The following CEP112 variants were observed in gnomAD, a reference collection of about 807,000 sequenced individuals.
CEP112 encodes centrosomal protein 112.
CEP112 carries 127 observed loss-of-function variants against 153.0 expected under a neutral mutation model. The ratio of observed to expected loss-of-function variants is 0.83; its 90% confidence interval spans 0.72 to 0.96. The LOEUF (loss-of-function observed/expected upper bound fraction) is 0.96. Ranked by LOEUF, CEP112 falls within the 40% of genes least tolerant of loss-of-function variation. The probability of loss-of-function intolerance (pLI) is 0.00; values close to 1 mark genes in which losing one functional copy is unlikely to be tolerated. For missense variants in CEP112, 1,089 were observed against 1,101.2 expected (o/e 0.99, Z 0.16); for synonymous variants, 358 against 374.4 (o/e 0.96, Z 0.51).
At chr17:65,954,728 C>T (rs1309585396) in intron 18 of CEP112, among the ~76,000 whole-genome samples, 1 of 151,942 alleles carries the variant, frequency 6.6e-6, no homozygotes, top group East Asian at 1.9e-4. Flanking sequence ...ACTGGAAAAT[C>T]TCAGTAATAG....
intron 20 of CEP112, among the ~76,000 whole-genome samples, chr17:65,892,884 G>C (rs1040154695): frequency 6.6e-6 from 1 of 152,106 alleles, no homozygotes; most frequent in Non-Finnish European, 1.5e-5. Context: ...GTGAACACAT[G>C]CATTTTGTAC....
At chr17:66,071,392 A>G (rs1217112382) in intron 8 of CEP112, among the ~76,000 whole-genome samples, 3 of 152,124 alleles carry the variant, frequency 2.0e-5, no homozygotes, top group African/African-American at 4.8e-5. Context: ...TCACAGAAGC[A>G]TTTTTGGGGT....
chr17:65,984,865 A>T (rs1300819659), intron 17 of CEP112, among the ~76,000 whole-genome samples: 1 of 152,154 alleles, frequency 6.6e-6, no homozygotes, highest in African/African-American at 2.4e-5. Context: ...CAAGAGTAGG[A>T]TGAACATGCA....
intron 21 of CEP112, among the ~76,000 whole-genome samples, chr17:65,775,554 T>C (rs1312936878): frequency 6.6e-6 from 1 of 152,124 alleles, no homozygotes; most frequent in Non-Finnish European, 1.5e-5. Context: ...CAGGCTGGAG[T>C]GCAGCGGGTG....
chr17:65,696,310 C>T (rs1229432692), intron 23 of CEP112, among the ~76,000 whole-genome samples: 1 of 152,162 alleles, frequency 6.6e-6, no homozygotes, highest in Admixed American at 6.5e-5. Context: ...TTTTTCTGGG[C>T]CTGCCCTGCA....
chr17:65,875,795 C>G (rs762872511), intron 20 of CEP112, among the ~76,000 whole-genome samples: 1 of 152,088 alleles, frequency 6.6e-6, no homozygotes, highest in Non-Finnish European at 1.5e-5. Flanking sequence ...GTTACCTGCA[C>G]TTTGGTTAAA....
chr17:66,140,170 T>C (rs2146602398), intron 4 of CEP112, among the ~76,000 whole-genome samples: 1 of 152,294 alleles, frequency 6.6e-6, no homozygotes, highest in East Asian at 1.9e-4. Flanking sequence ...GAATGAAGAA[T>C]AGAGATTATA....
At chr17:65,654,506 C>T (rs557047920) in intron 24 of CEP112, among the ~76,000 whole-genome samples, 131 of 152,294 alleles carry the variant, frequency 8.6e-4, no homozygotes, top group African/African-American at 3.0e-3. Context: ...CCAAGGCAAG[C>T]GGGTGGCTGG....
At chr17:66,180,876 A>G (rs548940893) in intron 2 of CEP112, among the ~76,000 whole-genome samples, 1 of 152,314 alleles carries the variant, frequency 6.6e-6, no homozygotes, top group East Asian at 1.9e-4. Flanking sequence ...GACCGGATTT[A>G]CTATGGTGCA....
chr17:66,176,984 C>T lies in CEP112; in HGVS notation c.143G>A (p.Cys48Tyr). The change falls in exon 3 of 27, where the codon TGC becomes TAC. Residue 48 changes from cysteine to tyrosine, a missense_variant. Physicochemically the swap from Cys to Tyr is radical, Grantham distance 194. Coordinates refer to ENST00000535342, the MANE Select transcript of CEP112 (RefSeq NM_001199165.4). ...TCCTGCACCTGTTCCTGAAGGTTCG[C>T]ACAGCTTTCTAATCCAAAGAGCACA... ...QRCALWIRKL[C>Y]EPSGTGAGIM... 3 of 1,613,322 alleles carry T rather than the reference C, an allele frequency of 1.9e-6. No individual in the cohort carries two copies. Among genetic ancestry groups the T allele is most frequent in the Non-Finnish European group, 2.5e-6 (3 of 1,179,614 alleles).
intron 21 of CEP112, among the ~76,000 whole-genome samples, chr17:65,825,136 A>G (rs2056778319): frequency 1.3e-5 from 2 of 152,226 alleles, no homozygotes; most frequent in African/African-American, 4.8e-5. Flanking sequence ...ATGCAATGGA[A>G]TATTATTCAT....
chr17:65,799,405 G>A (rs2055130075), intron 21 of CEP112, among the ~76,000 whole-genome samples: 1 of 152,158 alleles, frequency 6.6e-6, no homozygotes, highest in African/African-American at 2.4e-5. Flanking sequence ...CAATTCTGGG[G>A]CTTCAGGGTC....
intron 21 of CEP112, among the ~76,000 whole-genome samples, chr17:65,821,891 A>G (rs1209774330): frequency 6.6e-6 from 1 of 151,870 alleles, no homozygotes; most frequent in Non-Finnish European, 1.5e-5. Context: ...AATGTCACTA[A>G]TTCACTAAGA....
rs184180080 is a variant in CEP112 at position 66,088,338 on chromosome 17, C to T, written c.768+7913G>A. Among the ~76,000 whole-genome samples the T allele has an allele frequency of 8.8e-4, 134 of 152,236 alleles. 1 individual carries two copies. The highest frequency in any genetic ancestry group is 6.8e-3 in the Middle Eastern group (2 of 294). The stretch of plus-strand genomic sequence containing the variant: ...TCTCTGGACTCACCACATTGCCAGG[C>T]GGGCCCAGTGACCTTGGGCTCCAGA... On this transcript the variant is annotated intron_variant, in intron 8 of 26. Transcript: ENST00000535342.
At chr17:66,067,526 G>T (rs1412994010) in intron 9 of CEP112, among the ~76,000 whole-genome samples, 1 of 152,008 alleles carries the variant, frequency 6.6e-6, no homozygotes, top group Admixed American at 6.6e-5. Context: ...GAATTAGTAG[G>T]TATACATTAA....
At chr17:65,761,713 T>G (rs1469614124) in intron 21 of CEP112, among the ~76,000 whole-genome samples, 1 of 152,112 alleles carries the variant, frequency 6.6e-6, no homozygotes, top group Non-Finnish European at 1.5e-5. Context: ...CACCTATCTT[T>G]CTGTTGATTT....
At chr17:66,031,853 C>A (rs571191252) in intron 12 of CEP112, among the ~76,000 whole-genome samples, 170 of 152,090 alleles carry the variant, frequency 1.1e-3, no homozygotes, top group African/African-American at 3.9e-3. Flanking sequence ...GGTGCTTTTA[C>A]CCTAGAGGTA....
At chr17:65,954,815 GA>G (rs1334828601) in intron 18 of CEP112, among the ~76,000 whole-genome samples, 2 of 152,100 alleles carry the variant, frequency 1.3e-5, no homozygotes, top group Non-Finnish European at 2.9e-5. Flanking sequence ...CAAAGATGAA[GA>G]AAAAAGATTT....
At chr17:66,026,937 A>T (rs749577465) in intron 16 of CEP112, among the ~76,000 whole-genome samples, 1 of 152,220 alleles carries the variant, frequency 6.6e-6, no homozygotes, top group Non-Finnish European at 1.5e-5. Context: ...TGAAAGGCCA[A>T]CTGTACTCTT....
Sources: allele counts gnomAD v4.1 joint callset (sites outside exome capture counted in the v4.1 genomes callset), GRCh38; gene constraint gnomAD v4.1.1; transcripts MANE v1.5; gene names NCBI Gene and HGNC (gene_info 2026-07-23, HGNC 2026-07-21).